TBXAS1: variants seen among roughly 807,000 people sequenced by gnomAD.
The protein encoded by TBXAS1 is thromboxane-A synthase.
Under a neutral mutation model 60.7 loss-of-function variants are expected in TBXAS1, and 48 were observed. The ratio of observed to expected loss-of-function variants is 0.79; its 90% CI spans 0.63 to 1.01. The LOEUF is 1.01. TBXAS1 is among the 50% of genes least tolerant of loss of function. TBXAS1 has a pLI of 0.00. For synonymous variants in TBXAS1, 287 were observed against 269.7 expected (o/e 1.06, Z -0.63); for missense variants, 685 against 686.3 (o/e 1.00, Z 0.02).
At chr7:140,019,214 C>A (rs1815337688) in intron 12 of TBXAS1, among the ~76,000 whole-genome samples, 1 of 152,170 alleles carries the variant, frequency 6.6e-6, no homozygotes, top group Non-Finnish European at 1.5e-5. Flanking sequence ...GTCTGAGATA[C>A]TGAAAGTGAA....
chr7:139,852,786 T>C lies in TBXAS1; in HGVS notation c.90-19449T>C, dbSNP rs570268931. Among the ~76,000 whole-genome samples, 36 of 152,246 alleles carry C rather than the reference T, an allele frequency of 2.4e-4. No individual in the cohort carries two copies. Among genetic ancestry groups the C allele is most frequent in the African/African-American group, 8.2e-4 (34 of 41,522 alleles). ...ATAGTGCAATAGAAAGGTGGAAATA[T>C]TGGCTGGGTTTATGAAGACATAACT... is the stretch of plus-strand genomic sequence containing the variant. On this transcript the variant is annotated intron_variant, in intron 1 of 12. Coordinates refer to ENST00000448866, the MANE Select transcript of TBXAS1 (RefSeq NM_001061.7). The surrounding 1 kb of genome is among the most constrained non-coding windows in gnomAD (Gnocchi z 4.4).
rs1298773123 is a variant in TBXAS1 at position 139,819,138 on chromosome 7, T to G, written c.-79-10174T>G. Among the ~76,000 whole-genome samples the G allele has an allele frequency of 2.0e-5, 3 of 152,368 alleles. No individual in the cohort carries two copies. In the East Asian group the frequency reaches 5.8e-4, roughly 29 times the overall value. On this transcript the variant is annotated intron_variant, in intron 4 of 16. Transcript: ENST00000336425. ...TTCCAAACCTCTTTCCTTTTCCTCC[T>G]GGGCTGGCTCCATTTCTCAGCCTCC...
At chr7:139,898,679 C>T (rs997002257) in intron 3 of TBXAS1, among the ~76,000 whole-genome samples, 1 of 152,118 alleles carries the variant, frequency 6.6e-6, no homozygotes, top group Admixed American at 6.5e-5. Flanking sequence ...CCTCCTGATG[C>T]CCCGTTGGGG....
chr7:139,852,983 C>G lies in TBXAS1; in HGVS notation c.90-19252C>G, dbSNP rs976395350. Among the ~76,000 whole-genome samples, 1 of 127,726 alleles carries G rather than the reference C, an allele frequency of 7.8e-6. No individual in the cohort carries two copies. Among genetic ancestry groups the G allele is most frequent in the Non-Finnish European group, 1.7e-5 (1 of 60,396 alleles). The allele number at this position is 127,726 out of a possible 152,430, so 83.8% of individuals were successfully genotyped here. A position where few individuals can be genotyped will look rare whatever the true frequency, so the allele number is the denominator to read the frequency against. On this transcript the variant is annotated intron_variant, in intron 1 of 12. Coordinates refer to ENST00000448866, the MANE Select transcript of TBXAS1 (RefSeq NM_001061.7). The surrounding 1 kb of genome is among the most constrained non-coding windows in gnomAD (Gnocchi z 4.4). ...ACACACACACACACACACACACACACACACACAGTTGGCCAAAGAAGCAAC... is the reference window on the plus strand; with the variant it reads ...ACACACACACACACACACACACACAGACACACAGTTGGCCAAAGAAGCAAC...
In TBXAS1 at chr7:139,886,386, A is replaced by ATT. The variant is rs8192818; in HGVS notation, c.236+10773_236+10774dup. On this transcript the variant is annotated intron_variant, in intron 3 of 12. Coordinates refer to ENST00000448866, the MANE Select transcript of TBXAS1 (RefSeq NM_001061.7). ...CTAAGGAGGCACTCTTTGCAGATGA[A>ATT]TTTTTTTTTTTTTTTTTTTTTTTTT... Among the ~76,000 whole-genome samples, 363 of 99,568 alleles carry ATT rather than the reference A, an allele frequency of 3.6e-3. 2 individuals carry two copies. The highest frequency in any genetic ancestry group is 4.9e-3 in the African/African-American group (121 of 24,460). The allele number at this position is 99,568 out of a possible 152,430, so 65.3% of individuals were successfully genotyped here. A position where few individuals can be genotyped will look rare whatever the true frequency, so the allele number is the denominator to read the frequency against.
chr7:139,954,797 T>C (rs1351367649), intron 6 of TBXAS1, among the ~76,000 whole-genome samples: 1 of 152,200 alleles, frequency 6.6e-6, no homozygotes, highest in African/African-American at 2.4e-5. Flanking sequence ...TTTCCTTCTG[T>C]TTGTTTCTAA....
At chr7:139,996,370 G>GA (rs1297794789) in intron 9 of TBXAS1, among the ~76,000 whole-genome samples, 1 of 151,946 alleles carries the variant, frequency 6.6e-6, no homozygotes, top group East Asian at 1.9e-4. Flanking sequence ...CTTCCCCTGG[G>GA]AAGCATTAAG....
chr7:139,918,538 C>A (rs530518472), intron 4 of TBXAS1, among the ~76,000 whole-genome samples: 2 of 152,280 alleles, frequency 1.3e-5, no homozygotes, highest in African/African-American at 4.8e-5. Context: ...GAGTTTCCTG[C>A]AAAGATAAGA....
intron 3 of TBXAS1, among the ~76,000 whole-genome samples, chr7:139,902,747 C>T (rs1446991311): frequency 6.6e-6 from 1 of 152,170 alleles, no homozygotes; most frequent in Non-Finnish European, 1.5e-5. Context: ...ACTTTCTCCA[C>T]ATGTTTGCCA....
chr7:139,849,606 C>T (rs146913165), intron 1 of TBXAS1, among the ~76,000 whole-genome samples: 1 of 152,002 alleles, frequency 6.6e-6, no homozygotes, highest in African/African-American at 2.4e-5. Flanking sequence ...AATTTCTAGC[C>T]AAATAAGCAA....
chr7:139,816,126 T>C (rs1341957319), intron 4 of TBXAS1, among the ~76,000 whole-genome samples: 1 of 152,192 alleles, frequency 6.6e-6, no homozygotes, highest in Non-Finnish European at 1.5e-5. Context: ...CATGCTCTTT[T>C]TCTCTCTCCT....
intron 9 of TBXAS1, among the ~76,000 whole-genome samples, chr7:139,992,143 C>T (rs1378645196): frequency 1.3e-5 from 2 of 152,230 alleles, no homozygotes; most frequent in Non-Finnish European, 2.9e-5. Flanking sequence ...GTGGGGACCA[C>T]CTGCAGGCCA....
At chr7:139,827,888 T>G (rs1192292235), upstream of TBXAS1, among the ~76,000 whole-genome samples, 1 of 152,246 alleles carries the variant, frequency 6.6e-6, no homozygotes, top group Non-Finnish European at 1.5e-5. Context: ...GGTTACCTGG[T>G]TCTTCTGTCT....
intron 4 of TBXAS1, among the ~76,000 whole-genome samples, chr7:139,805,736 TTCTTTCTTTCTTTCTTTCTTG>T (rs1797855266): frequency 1.0e-5 from 1 of 98,380 alleles, no homozygotes; most frequent in Non-Finnish European, 1.9e-5. Flanking sequence ...CTCTCTTTCT[TTCTTTCTTTCTTTCTTTCTTG>T]TCTTTCTTTC....
At chr7:139,941,333 C>T (rs1017950436) in intron 5 of TBXAS1, among the ~76,000 whole-genome samples, 2 of 152,142 alleles carry the variant, frequency 1.3e-5, no homozygotes, top group East Asian at 1.9e-4. Context: ...GCGTTGTCTT[C>T]GTTTATGCGG....
At chr7:139,986,787 GTGTGTGTGTGTGTATATATATA>G (rs1812514769) in intron 9 of TBXAS1, among the ~76,000 whole-genome samples, 2 of 86,322 alleles carry the variant, frequency 2.3e-5, no homozygotes, top group Non-Finnish European at 4.5e-5. Flanking sequence ...GTGTGTGTGT[GTGTGTGTGTGTGTATATATATA>G]TATATATACA....
rs1460230505 is a variant in TBXAS1 at position 139,852,921 on chromosome 7, C to G, written c.90-19314C>G. ...GTACTCAATGCCCCTGTGTACCAAC[C>G]TTGGCTACTCCAATACACACACACA... On this transcript the variant is annotated intron_variant, in intron 1 of 12. Coordinates refer to ENST00000448866, the MANE Select transcript of TBXAS1 (RefSeq NM_001061.7). This position sits in a 1 kb window ranked among gnomAD's most constrained non-coding sequence, Gnocchi z 4.4. Among the ~76,000 whole-genome samples the G allele has an allele frequency of 6.7e-6, 1 of 149,922 alleles. No homozygotes were observed. Among genetic ancestry groups the G allele is most frequent in the East Asian group, 2.0e-4 (1 of 5,064 alleles).
chr7:139,833,549 G>A (rs1245883423), intron 1 of TBXAS1, among the ~76,000 whole-genome samples: 1 of 151,210 alleles, frequency 6.6e-6, no homozygotes, highest in South Asian at 2.1e-4. Context: ...GAGGGGTGTG[G>A]TGGTAGGTGC....
chr7:139,838,174 G>C (rs920543590), intron 1 of TBXAS1, among the ~76,000 whole-genome samples: 1 of 152,200 alleles, frequency 6.6e-6, no homozygotes, highest in African/African-American at 2.4e-5. Context: ...GAGCGACGCT[G>C]TCTGGGTGCT....
Sources: gnomAD v4.1 joint callset for allele counts (sites outside exome capture counted in the v4.1 genomes callset) on GRCh38, gnomAD v4.1.1 for gene constraint, Gnocchi (gnomAD v3.1) non-coding constraint, MANE v1.5 for transcripts, NCBI Gene and HGNC (gene_info 2026-07-23, HGNC 2026-07-21) for gene names.